GIN1: variants seen among roughly 807,000 people sequenced by gnomAD.
GIN1 encodes the protein gypsy retrotransposon integrase-like protein 1.
Under a neutral mutation model 51.4 loss-of-function variants are expected in GIN1, and 41 were observed. That is an observed-to-expected ratio of 0.80 (90% CI 0.62 to 1.04). The LOEUF (loss-of-function observed/expected upper bound fraction) is 1.04, where lower values mean the gene tolerates loss of function less well. Among genes scored for constraint, GIN1 ranks in the 50% least tolerant of loss-of-function variants. The pLI is 0.00. For missense variants in GIN1, 610 were observed against 612.4 expected (o/e 1.00, Z 0.04); for synonymous variants, 222 against 206.5 (o/e 1.07, Z -0.64).
In GIN1 at chr5:103,097,344, T is replaced by C. The variant is rs984029078; in HGVS notation, c.978A>G (p.Ile326Met). 6.2e-7 allele frequency: 1 copy of C among 1,600,072 alleles called. No homozygotes were observed. The highest frequency in any genetic ancestry group is 1.3e-5 in the African/African-American group (1 of 74,634). Residue 326 changes from isoleucine to methionine, a missense_variant, in exon 6 of 8, where the codon ATA (isoleucine) becomes ATG (methionine). Coordinates refer to ENST00000399004, the MANE Select transcript of GIN1 (RefSeq NM_017676.2). ...CCAGTGAAGTTGTCTTATTCTCCAT[T>C]ATTTTATCAGCTTCTTTAATTGCAT... ...ILDAIKEADKIMENKTTSLGQ... is the reference protein window; with the variant it reads ...ILDAIKEADKMMENKTTSLGQ...
chr5:103,098,288 C>T (rs1453503545), intron 4 of GIN1, among the ~76,000 whole-genome samples: 2 of 152,088 alleles, frequency 1.3e-5, no homozygotes, highest in African/African-American at 2.4e-5. Flanking sequence ...CTTTACTACA[C>T]ACTGGTCCCA....
chr5:103,090,524 G>A (rs1250343563), intron 7 of GIN1, among the ~76,000 whole-genome samples: 1 of 152,158 alleles, frequency 6.6e-6, no homozygotes, highest in Admixed American at 6.5e-5. Context: ...TTTCTACTAA[G>A]TCATGGAGAA....
Position 103,108,832 on chromosome 5 carries a change from T to C in GIN1, c.-7-118A>G, listed in dbSNP as rs1787798412. 3 of 671,204 alleles carry C rather than the reference T, an allele frequency of 4.5e-6. No individual in the cohort carries two copies. The African/African-American group carries it at 5.6e-5, about 13-fold the overall frequency. 41.6% of individuals were successfully genotyped at this position (671,204 alleles called of 1,614,324 possible). A position where few individuals can be genotyped will look rare whatever the true frequency, so the allele number is the denominator to read the frequency against. The stretch of plus-strand genomic sequence containing the variant: ...TGAACCGAGAATTCCCAGAATTTAT[T>C]TGTGAGGGAGATAATTGCAGTACAG... On this transcript the variant is annotated intron_variant, in intron 1 of 7. Coordinates refer to ENST00000399004, the MANE Select transcript of GIN1 (RefSeq NM_017676.2).
At chr5:103,097,803 G>T in intron 4 of GIN1, 22 bp from the exon 5 acceptor site, 5 of 1,053,474 alleles carry the variant, frequency 4.7e-6, no homozygotes, top group South Asian at 1.6e-5. Context: ...ATAAAACAAA[G>T]GTGGCTTTTT....
intron 1 of GIN1, among the ~76,000 whole-genome samples, chr5:103,118,626 A>G (rs1476993694): frequency 6.6e-6 from 1 of 152,190 alleles, no homozygotes; most frequent in Non-Finnish European, 1.5e-5. Flanking sequence ...ACAGATGACA[A>G]GGAGAAATAG....
At position 103,099,967 on chromosome 5, in the gene GIN1, G is replaced by A. The variant is rs75713482; in HGVS notation, c.640-2186C>T. Among the ~76,000 whole-genome samples, 1,044 of 152,210 alleles carry A rather than the reference G, an allele frequency of 6.9e-3. 7 individuals carry two copies. The highest frequency in any genetic ancestry group is 0.013 in the Non-Finnish European group (859 of 67,996). On this transcript the variant is annotated intron_variant, in intron 4 of 7. Coordinates refer to ENST00000399004, the MANE Select transcript of GIN1 (RefSeq NM_017676.2). ...AAAGAGTTCATTTTGTACTGTCATC[G>A]TTATGCTTTCTGTGTAATAGTGAAG...
At chr5:103,099,318 T>C (rs1016408429) in intron 4 of GIN1, among the ~76,000 whole-genome samples, 8 of 152,046 alleles carry the variant, frequency 5.3e-5, no homozygotes, top group East Asian at 1.9e-4. Flanking sequence ...AGCAGCCACG[T>C]TGTGAATACA....
intron 4 of GIN1, among the ~76,000 whole-genome samples, chr5:103,099,034 T>C (rs923293858): frequency 2.0e-4 from 31 of 152,098 alleles, no homozygotes; most frequent in African/African-American, 7.5e-4. Context: ...TGAGTAAACC[T>C]TTGGCTCATA....
chr5:103,096,182 A>C (rs1445702480), intron 7 of GIN1, among the ~76,000 whole-genome samples: 1 of 151,954 alleles, frequency 6.6e-6, no homozygotes, highest in African/African-American at 2.4e-5. Flanking sequence ...TTTCTACTAA[A>C]AATACAAAAA....
At chr5:103,098,103 GA>G (rs1266509205) in intron 4 of GIN1, among the ~76,000 whole-genome samples, 3 of 152,152 alleles carry the variant, frequency 2.0e-5, no homozygotes, top group African/African-American at 7.2e-5. Flanking sequence ...GGCTAGTCTT[GA>G]ACTCCTGACC....
rs782735471 is a variant in GIN1, at chr5:103,104,595, T to C, written c.585A>G (p.Leu195=). The change falls in exon 4 of 8, where the codon TTA becomes TTG. Residue 195 remains leucine, a synonymous_variant. Transcript: ENST00000399004. ...TTATTATTTTCTGAGGAGGTCCATATAAGAAAAATATATTGATAATAGCTT... is the reference window on the plus strand; with the variant it reads ...TTATTATTTTCTGAGGAGGTCCATACAAGAAAAATATATTGATAATAGCTT... ...VSKAIINIFF[L]YGPPQKIIMD... is the part of the protein sequence containing the mutation. The C allele has an allele frequency of 1.9e-6, 3 of 1,568,474 alleles. No homozygotes were observed. Among genetic ancestry groups the C allele is most frequent in the Non-Finnish European group, 2.6e-6 (3 of 1,139,246 alleles).
At chr5:103,096,406 A>G (rs989072575) in intron 7 of GIN1, 135 bp downstream of exon 7, 6 of 677,364 alleles carry the variant, frequency 8.9e-6, no homozygotes, top group Non-Finnish European at 1.5e-5. Flanking sequence ...ACTACCTGGG[A>G]TAGCTAAAAC....
At chr5:103,088,901 T>C (rs1562323253) in intron 7 of GIN1, among the ~76,000 whole-genome samples, 1 of 152,232 alleles carries the variant, frequency 6.6e-6, no homozygotes, top group Non-Finnish European at 1.5e-5. Context: ...ACAAATAGAA[T>C]TATTAAATCC....
intron 7 of GIN1, 127 bp from the exon 8 acceptor site, chr5:103,088,299 G>A (rs1440465011): frequency 5.5e-6 from 3 of 544,170 alleles, no homozygotes; most frequent in Admixed American, 3.6e-5. Context: ...TAACTTCTAG[G>A]GAGTTATACT....
At chr5:103,097,866 A>G (rs1787453264) in intron 4 of GIN1, 85 bp from the exon 5 acceptor site, 13 of 630,736 alleles carry the variant, frequency 2.1e-5, no homozygotes, top group Non-Finnish European at 3.0e-5. Context: ...CAAAAGAATT[A>G]GAATCTTGCC....
At position 103,087,980 on chromosome 5, in the gene GIN1, A is replaced by C. The variant is rs782344102; in HGVS notation, c.1487T>G (p.Leu496Trp). 1.9e-6 allele frequency: 3 copies of C among 1,596,862 alleles called. No individual in the cohort carries two copies. In the East Asian group the frequency reaches 6.7e-5, roughly 36 times the overall value. The change falls in exon 8 of 8, where the codon TTG (leucine) becomes TGG (tryptophan). Residue 496 changes from leucine (L) to tryptophan (W), a missense_variant. Transcript: ENST00000399004. ...TTCAAGAGAACTATGATCGTCTATC[A>C]ATGGAGAGATTTTCGTATTTCTATA... is the stretch of plus-strand genomic sequence containing the variant. ...LEYRNTKISP[L>W]IDDHSSLEKQ...
intron 1 of GIN1, among the ~76,000 whole-genome samples, chr5:103,115,794 A>C (rs1788015815): frequency 6.6e-6 from 1 of 152,154 alleles, no homozygotes; most frequent in African/African-American, 2.4e-5. Context: ...AAGGGCTTCT[A>C]GAAAGACCAC....
intron 1 of GIN1, among the ~76,000 whole-genome samples, chr5:103,118,689 G>GT (rs1554197771): frequency 1.9e-5 from 2 of 104,468 alleles, no homozygotes; most frequent in African/African-American, 3.0e-5. Flanking sequence ...CTTTGAAGTA[G>GT]TTAAAAGTTT....
intron 4 of GIN1, among the ~76,000 whole-genome samples, chr5:103,100,419 G>A (rs1787538066): frequency 6.6e-6 from 1 of 151,428 alleles, no homozygotes. Context: ...TTTGAGACAG[G>A]GTCTCACTGT....
Sources: allele counts gnomAD v4.1 joint callset (sites outside exome capture counted in the v4.1 genomes callset), GRCh38; gene constraint gnomAD v4.1.1; transcripts MANE v1.5; gene names NCBI Gene and HGNC (gene_info 2026-07-23, HGNC 2026-07-21).